Variants in FER observed in about 807,000 individuals in gnomAD.
FER encodes the protein FER tyrosine kinase.
Under a neutral mutation model 111.0 loss-of-function variants are expected in FER, and 63 were observed. The ratio of observed to expected loss-of-function variants is 0.57; its 90% CI spans 0.46 to 0.70. FER has a LOEUF of 0.70. Ranked by LOEUF, FER falls within the 30% of genes least tolerant of loss-of-function variation. The probability of loss-of-function intolerance (pLI) is 0.00; values close to 1 mark genes in which losing one functional copy is unlikely to be tolerated. For synonymous variants in FER, 327 were observed against 313.9 expected, an observed-to-expected ratio of 1.04 and a Z score of -0.44; for missense variants, 914 against 954.0, an observed-to-expected ratio of 0.96 and a Z score of 0.55.
chr5:108,901,049 G>A (rs1184469117), intron 10 of FER, among the ~76,000 whole-genome samples: 1 of 152,078 alleles, frequency 6.6e-6, no homozygotes, highest in Non-Finnish European at 1.5e-5. Context: ...AAAAGAGGGA[G>A]TTTGGCTCCC....
In FER at chr5:108,878,160, G is replaced by T. The variant is rs184141152; in HGVS notation, c.924-5236G>T. ...GACCTCAACTGATCTACCCGCCGCA[G>T]CCTCCCAAAGTGCTGCGATTACATT... On this transcript the variant is annotated intron_variant, in intron 8 of 19. Transcript: ENST00000281092. Among the ~76,000 whole-genome samples, 6 of 152,180 alleles carry T rather than the reference G, an allele frequency of 3.9e-5. No homozygotes were observed. The East Asian group carries it at 1.2e-3, about 29-fold the overall frequency.
At chr5:108,835,863 A>C (rs1760603812) in intron 5 of FER, 56 bp downstream of exon 5, 2 of 1,003,814 alleles carry the variant, frequency 2.0e-6, no homozygotes, top group Admixed American at 2.8e-5. Flanking sequence ...TTACTGTTTG[A>C]AAGTTATCTT....
intron 9 of FER, among the ~76,000 whole-genome samples, chr5:108,892,511 GTTGT>G (rs1561572882): frequency 3.3e-5 from 5 of 152,094 alleles, no homozygotes; most frequent in Admixed American, 1.3e-4. Context: ...TTTTGATGGG[GTTGT>G]TTGTTTTTTT....
intron 18 of FER, among the ~76,000 whole-genome samples, chr5:109,183,248 GT>G (rs10682212): frequency 0.036 from 4,129 of 115,556 alleles, 68 homozygotes; most frequent in Non-Finnish European, 0.05. Context: ...ATCCTAGCGT[GT>G]TTTTTTTTTT....
At chr5:108,957,648 A>G (rs1180977268) in intron 12 of FER, among the ~76,000 whole-genome samples, 3 of 151,582 alleles carry the variant, frequency 2.0e-5, no homozygotes, top group East Asian at 1.9e-4. Flanking sequence ...GGATACCTGT[A>G]CTCCCATGCT....
At chr5:108,766,482 A>G (rs188646567) in intron 1 of FER, among the ~76,000 whole-genome samples, 6 of 152,358 alleles carry the variant, frequency 3.9e-5, no homozygotes, top group Non-Finnish European at 5.9e-5. Flanking sequence ...AAGAAGAGAA[A>G]TGTATTAACA....
chr5:109,178,553 T>A lies in FER; in HGVS notation c.2049-2194T>A, dbSNP rs192413282. Among the ~76,000 whole-genome samples the A allele has an allele frequency of 2.3e-3, 354 of 152,358 alleles. 2 individuals are homozygous for A. Among genetic ancestry groups the A allele is most frequent in the Non-Finnish European group, 2.6e-3 (180 of 68,032 alleles). ...CCAAGGATGATGGCATTTGGCCCAC[T>A]GACTAGAGTTGGGAGGTGCATACTA... On this transcript the variant is annotated intron_variant, in intron 17 of 19. Coordinates refer to ENST00000281092, the MANE Select transcript of FER (RefSeq NM_005246.4).
At chr5:108,756,769 T>C (rs1751159556) in intron 1 of FER, among the ~76,000 whole-genome samples, 2 of 152,174 alleles carry the variant, frequency 1.3e-5, no homozygotes, top group Admixed American at 6.5e-5. Flanking sequence ...AATTTCTTTC[T>C]CCTACACACA....
At chr5:109,008,492 TTC>T (rs142167823) in intron 13 of FER, among the ~76,000 whole-genome samples, 1,590 of 152,264 alleles carry the variant, frequency 0.01, 22 homozygotes, top group African/African-American at 0.036. Flanking sequence ...TGTCCTAATT[TTC>T]TCTGTGTTAT....
intron 17 of FER, 134 bp downstream of exon 17, chr5:109,100,653 T>G: frequency 1.2e-6 from 1 of 868,226 alleles, no homozygotes; most frequent in South Asian, 1.8e-5. Flanking sequence ...TGTGTGAAAG[T>G]GTCCTCTGCT....
intron 10 of FER, among the ~76,000 whole-genome samples, chr5:108,915,480 CAAAT>C (rs920583117): frequency 1.3e-5 from 2 of 152,002 alleles, no homozygotes; most frequent in African/African-American, 2.4e-5. Context: ...AAACAAAAAA[CAAAT>C]AACTACTTTC....
At chr5:108,816,345 A>C (rs962782508) in intron 3 of FER, among the ~76,000 whole-genome samples, 1 of 152,212 alleles carries the variant, frequency 6.6e-6, no homozygotes, top group Non-Finnish European at 1.5e-5. Context: ...AGCCACACTC[A>C]TCCACATGTG....
At chr5:108,772,000 A>T (rs1752949285) in intron 2 of FER, among the ~76,000 whole-genome samples, 1 of 152,186 alleles carries the variant, frequency 6.6e-6, no homozygotes, top group Admixed American at 6.5e-5. Context: ...GAAGTCCAAC[A>T]TCAAGACACC....
intron 5 of FER, among the ~76,000 whole-genome samples, chr5:108,857,716 CTGTT>C (rs1424739451): frequency 3.3e-5 from 5 of 151,956 alleles, no homozygotes; most frequent in African/African-American, 4.8e-5. Context: ...CTTTCCCCTC[CTGTT>C]TATTTTTTAA....
chr5:108,817,097 C>T (rs887597393), intron 3 of FER, among the ~76,000 whole-genome samples: 67 of 80,054 alleles, frequency 8.4e-4, no homozygotes, highest in Admixed American at 2.8e-3. Context: ...GAGCAAGACA[C>T]TGTCTCAAAA....
Position 108,798,401 on chromosome 5 carries a change from A to G in FER, c.207+12A>G. 6.3e-7 allele frequency: 1 copy of G among 1,586,306 alleles called. No homozygotes were observed. On this transcript the variant is annotated intron_variant, in intron 3 of 19. Coordinates refer to ENST00000281092, the MANE Select transcript of FER (RefSeq NM_005246.4). ...GCAACGTATCCAAGGTAAGAAGAAT[A>G]ATTTCACTCTTTGTTATTTATAACA...
chr5:108,934,010 C>T (rs754112315), intron 10 of FER, among the ~76,000 whole-genome samples: 38 of 151,908 alleles, frequency 2.5e-4, no homozygotes, highest in African/African-American at 8.4e-4. Flanking sequence ...GAGACGATGG[C>T]GTTTTCTAAA....
intron 17 of FER, among the ~76,000 whole-genome samples, chr5:109,134,933 C>T (rs1006091483): frequency 2.6e-5 from 4 of 152,148 alleles, no homozygotes; most frequent in Admixed American, 6.5e-5. Flanking sequence ...ATGTGTCTCC[C>T]ATGAGATTGT....
intron 4 of FER, among the ~76,000 whole-genome samples, chr5:108,833,743 G>A (rs1045381359): frequency 2.0e-5 from 3 of 151,784 alleles, no homozygotes; most frequent in Admixed American, 6.6e-5. Context: ...GCGTACTGGC[G>A]GGCGCCTGTA....
Sources: gnomAD v4.1 joint callset for allele counts (sites outside exome capture counted in the v4.1 genomes callset) on GRCh38, gnomAD v4.1.1 for gene constraint, MANE v1.5 for transcripts, NCBI Gene and HGNC (gene_info 2026-07-23, HGNC 2026-07-21) for gene names.